Variants in RARB observed in about 807,000 individuals in gnomAD.
RARB encodes HBV-activated protein.
In RARB, 17 loss-of-function variants were observed where a neutral mutation model predicts 51.9. The ratio of observed to expected loss-of-function variants is 0.33; its 90% CI spans 0.22 to 0.49. RARB has a LOEUF of 0.49. RARB is among the 20% of genes least tolerant of loss of function. The pLI, the probability that RARB is intolerant of heterozygous loss-of-function variation, is 0.99. For missense variants in RARB, 369 were observed against 550.8 expected, an observed-to-expected ratio of 0.67 and a Z score of 3.30; for synonymous variants, 215 against 195.4, an observed-to-expected ratio of 1.10 and a Z score of -0.84.
In RARB at chr3:24,958,267, T is replaced by TG. The variant is rs1559411530; in HGVS notation, c.-380+99515_-380+99516insG. On this transcript the variant is annotated intron_variant, in intron 2 of 11. Coordinates refer to the RARB transcript ENST00000383772. ...CTGAGCTGCTCAGGTTTTTTTTTTT[T>TG]TTTTTTTTTTTTTTTTTTTTTTAGC... is the stretch of plus-strand genomic sequence containing the variant. Among the ~76,000 whole-genome samples the TG allele has an allele frequency of 4.9e-5, 6 of 121,626 alleles. 1 individual carries two copies. Among genetic ancestry groups the TG allele is most frequent in the Non-Finnish European group, 7.9e-5 (5 of 63,070 alleles). 79.8% of individuals were successfully genotyped at this position (121,626 alleles called of 152,430 possible). A position where few individuals can be genotyped will look rare whatever the true frequency, so the allele number is the denominator to read the frequency against.
At chr3:25,392,024 G>T (rs1001320927) in intron 5 of RARB, among the ~76,000 whole-genome samples, 1 of 152,102 alleles carries the variant, frequency 6.6e-6, no homozygotes, top group Admixed American at 6.6e-5. Context: ...ATCGTTCCAG[G>T]TCTTAGATTT....
chr3:25,346,043 A>G, intron 5 of RARB: 2 of 224,552 alleles, frequency 8.9e-6, no homozygotes, highest in Non-Finnish European at 1.5e-5. Context: ...GGGTTCACTC[A>G]TGCATCTGTG....
intron 5 of RARB, among the ~76,000 whole-genome samples, chr3:25,238,776 C>T (rs917357177): frequency 6.6e-6 from 1 of 152,046 alleles, no homozygotes; most frequent in Non-Finnish European, 1.5e-5. Context: ...AGGTCAGGAT[C>T]AAGACCAGCC....
At chr3:25,380,716 A>AT (rs1453699178) in intron 5 of RARB, among the ~76,000 whole-genome samples, 2 of 152,206 alleles carry the variant, frequency 1.3e-5, no homozygotes, top group Non-Finnish European at 2.9e-5. Flanking sequence ...ATATAGCTTA[A>AT]ATGCCCAATT....
chr3:25,463,789 G>A lies in RARB; in HGVS notation c.306+2448G>A, dbSNP rs189250886. ...GTATTATGGTTTATGAATATAATAA[G>A]GCCAGTTTTGGGAAATTCATTAAAG... On this transcript the variant is annotated intron_variant, in intron 2 of 7. Coordinates refer to ENST00000330688, the MANE Select transcript of RARB (RefSeq NM_000965.5). Among the ~76,000 whole-genome samples, 150 of 152,106 alleles carry A rather than the reference G, an allele frequency of 9.9e-4. 1 individual carries two copies. Among genetic ancestry groups the A allele is most frequent in the African/African-American group, 3.5e-3 (144 of 41,470 alleles).
chr3:24,863,785 T>C (rs942894043), intron 2 of RARB, among the ~76,000 whole-genome samples: 1 of 152,104 alleles, frequency 6.6e-6, no homozygotes, highest in East Asian at 1.9e-4. Flanking sequence ...TCTAATCTTA[T>C]TTGATAACCT....
intron 2 of RARB, among the ~76,000 whole-genome samples, chr3:24,868,938 A>G (rs1471381988): frequency 6.6e-6 from 1 of 152,144 alleles, no homozygotes; most frequent in African/African-American, 2.4e-5. Flanking sequence ...AATGTATACA[A>G]TTAAGCTGTA....
chr3:25,087,095 G>A lies in RARB; in HGVS notation c.-328+26919G>A, dbSNP rs371995771. ...TATAATTCGATTTTTTTCAGGGCCT[G>A]CTACCTCATTGGTATCTTATTGCTA... On this transcript the variant is annotated intron_variant, in intron 3 of 11. Coordinates refer to the RARB transcript ENST00000383772. 1.2e-4 allele frequency among the ~76,000 whole-genome samples: 19 copies of A among 152,172 alleles called. No homozygotes were observed. In the South Asian group the frequency reaches 3.7e-3, roughly 30 times the overall value.
intron 4 of RARB, among the ~76,000 whole-genome samples, chr3:25,165,392 A>G (rs983931775): frequency 6.6e-6 from 1 of 151,992 alleles, no homozygotes; most frequent in Non-Finnish European, 1.5e-5. Context: ...AGGCATTCAA[A>G]ACCAATCAGC....
At chr3:25,174,585 G>A (rs773910382) in intron 5 of RARB, 3 of 1,351,934 alleles carry the variant, frequency 2.2e-6, no homozygotes, top group South Asian at 2.3e-5. Context: ...AGTAAGTCCT[G>A]CTGGAATTTG....
At chr3:25,543,042 A>C (rs1212962809) in intron 3 of RARB, among the ~76,000 whole-genome samples, 1 of 152,198 alleles carries the variant, frequency 6.6e-6, no homozygotes, top group East Asian at 1.9e-4. Context: ...CTTAGGAAAC[A>C]CTGGTAATGT....
chr3:25,454,445 T>G lies in RARB; in HGVS notation c.158-6748T>G, dbSNP rs1290946334. On this transcript the variant is annotated intron_variant, in intron 1 of 7. Transcript: ENST00000330688. ...ACTCCCTTCCACTGGGATTCGGAGC[T>G]CTGGGCTCAAAATTCCCCTGGGGCC... is the stretch of plus-strand genomic sequence containing the variant. Among the ~76,000 whole-genome samples the G allele has an allele frequency of 2.6e-5, 4 of 152,352 alleles. No homozygotes were observed. The East Asian group carries it at 5.8e-4, about 22-fold the overall frequency.
intron 5 of RARB, among the ~76,000 whole-genome samples, chr3:25,585,500 G>T (rs756245309): frequency 6.6e-6 from 1 of 152,228 alleles, no homozygotes; most frequent in Non-Finnish European, 1.5e-5. Context: ...ATTAAGTGCT[G>T]TATTTTTTAC....
intron 5 of RARB, among the ~76,000 whole-genome samples, chr3:25,207,534 A>G (rs564986562): frequency 6.6e-6 from 1 of 152,364 alleles, no homozygotes; most frequent in East Asian, 1.9e-4. Flanking sequence ...GATGATAACT[A>G]GTAAAATTAC....
chr3:25,285,040 C>T (rs1226710140), intron 5 of RARB, among the ~76,000 whole-genome samples: 3 of 152,212 alleles, frequency 2.0e-5, no homozygotes, highest in Non-Finnish European at 4.4e-5. Flanking sequence ...TATTCCCTCT[C>T]TTACTCACTT....
At chr3:25,383,195 T>C (rs1279466174) in intron 5 of RARB, among the ~76,000 whole-genome samples, 1 of 152,172 alleles carries the variant, frequency 6.6e-6, no homozygotes, top group Non-Finnish European at 1.5e-5. Flanking sequence ...GGAGAGATTG[T>C]AGGGGTGAAA....
intron 1 of RARB, among the ~76,000 whole-genome samples, chr3:25,451,887 A>T (rs1190613816): frequency 6.6e-6 from 1 of 152,232 alleles, no homozygotes; most frequent in Non-Finnish European, 1.5e-5. Flanking sequence ...CAGATAAAAT[A>T]ATGTCATTTA....
intron 5 of RARB, among the ~76,000 whole-genome samples, chr3:25,190,447 C>T (rs1422808714): frequency 6.6e-6 from 1 of 152,056 alleles, no homozygotes; most frequent in Non-Finnish European, 1.5e-5. Flanking sequence ...TAAAGTATTT[C>T]TAATCTTACT....
chr3:24,914,193 A>G (rs1695059735), intron 2 of RARB, among the ~76,000 whole-genome samples: 1 of 152,196 alleles, frequency 6.6e-6, no homozygotes, highest in South Asian at 2.1e-4. Context: ...GAGACACAAA[A>G]TGTTTAAATT....
Sources: allele counts gnomAD v4.1 joint callset (sites outside exome capture counted in the v4.1 genomes callset), GRCh38; gene constraint gnomAD v4.1.1; transcripts MANE v1.5; gene names NCBI Gene and HGNC (gene_info 2026-07-23, HGNC 2026-07-21).